LRP1B: variants seen among roughly 807,000 people sequenced by gnomAD.
The protein encoded by LRP1B is low-density lipoprotein receptor-related protein 1B.
A neutral mutation model predicts 556.6 loss-of-function variants in LRP1B; 217 were observed. The observed-to-expected ratio is 0.39, with a 90% CI of 0.35 to 0.44. The LOEUF (loss-of-function observed/expected upper bound fraction) is 0.44. LRP1B is among the 20% of genes least tolerant of loss of function. The probability of loss-of-function intolerance (pLI) is 1.00; values close to 1 mark genes in which losing one functional copy is unlikely to be tolerated. For missense variants in LRP1B, 5,053 were observed against 5,620.8 expected (o/e 0.90, Z 3.23); for synonymous variants, 2,047 against 1,865.8 (o/e 1.10, Z -2.50).
At chr2:140,295,207 T>C (rs1683551468) in intron 84 of LRP1B, among the ~76,000 whole-genome samples, 2 of 152,114 alleles carry the variant, frequency 1.3e-5, no homozygotes, top group Non-Finnish European at 2.9e-5. Flanking sequence ...TATAGGGATG[T>C]ATGGATGTAA....
chr2:142,041,644 T>C (rs983467927), intron 1 of LRP1B, among the ~76,000 whole-genome samples: 1 of 151,496 alleles, frequency 6.6e-6, no homozygotes, highest in South Asian at 2.1e-4. Context: ...GGCTAAACTC[T>C]ATAGGAATTG....
intron 3 of LRP1B, among the ~76,000 whole-genome samples, chr2:141,454,102 T>C (rs7600112): frequency 0.16 from 24,859 of 152,016 alleles, 2,153 homozygotes; most frequent in South Asian, 0.26. Context: ...TATAAAAATA[T>C]TGAATAGAGT....
At chr2:142,023,151 A>C (rs1038163823) in intron 1 of LRP1B, among the ~76,000 whole-genome samples, 1 of 152,132 alleles carries the variant, frequency 6.6e-6, no homozygotes. Context: ...CCTTACCCCC[A>C]GTGCCAGCTT....
chr2:141,652,002 T>C (rs891263808), intron 2 of LRP1B, among the ~76,000 whole-genome samples: 1 of 152,184 alleles, frequency 6.6e-6, no homozygotes, highest in African/African-American at 2.4e-5. Flanking sequence ...TGGTCTCTGT[T>C]CTCATTTATA....
intron 1 of LRP1B, among the ~76,000 whole-genome samples, chr2:141,989,865 A>T (rs1702294375): frequency 6.6e-6 from 1 of 152,100 alleles, no homozygotes; most frequent in African/African-American, 2.4e-5. Flanking sequence ...TAAATTACCC[A>T]GTCTCAGGTA....
chr2:140,562,141 G>A (rs1680954281), intron 43 of LRP1B, among the ~76,000 whole-genome samples: 1 of 151,938 alleles, frequency 6.6e-6, no homozygotes, highest in Non-Finnish European at 1.5e-5. Context: ...TAGTGGTGGT[G>A]GTGATTATAA....
chr2:141,983,407 C>G (rs1445017644), intron 1 of LRP1B, among the ~76,000 whole-genome samples: 1 of 152,122 alleles, frequency 6.6e-6, no homozygotes, highest in African/African-American at 2.4e-5. Flanking sequence ...CATTTCACCT[C>G]TCTTTTATGC....
Position 140,253,553 on chromosome 2 carries a change from ATGT to A in LRP1B, c.13248-6394_13248-6392del, listed in dbSNP as rs575840427. ...TAAGTTAGAAATGTTTAAACATAAA[ATGT>A]TGTGCAGTCCACTTGAGTAGAAGTG... On this transcript the variant is annotated intron_variant, in intron 86 of 90. Transcript: ENST00000389484. Among the ~76,000 whole-genome samples, 414 of 152,224 alleles carry A rather than the reference ATGT, an allele frequency of 2.7e-3. 4 individuals are homozygous for A. Among genetic ancestry groups the A allele is most frequent in the Non-Finnish European group, 2.6e-3 (179 of 67,992 alleles).
At chr2:140,526,545 A>G (rs1488595513) in intron 47 of LRP1B, among the ~76,000 whole-genome samples, 195 bp from the exon 48 acceptor site, 1 of 150,468 alleles carries the variant, frequency 6.6e-6, no homozygotes, top group African/African-American at 2.5e-5. Context: ...CCTATCACAC[A>G]ATTCTTCTCT....
In LRP1B at chr2:141,706,992, T is replaced by A. The variant is rs556635823; in HGVS notation, c.205+103287A>T. Among the ~76,000 whole-genome samples, 7 of 152,182 alleles carry A rather than the reference T, an allele frequency of 4.6e-5. No individual in the cohort carries two copies. The East Asian group carries it at 1.4e-3, about 29-fold the overall frequency. On this transcript the variant is annotated intron_variant, in intron 2 of 90. Transcript: ENST00000389484. Reference sequence around the variant, plus strand: ...ATTTCAATTTATTCCTCTATCTCCTTATCAATAGACAATCAAATTACCTAA... The same window carrying A: ...ATTTCAATTTATTCCTCTATCTCCTAATCAATAGACAATCAAATTACCTAA...
intron 1 of LRP1B, among the ~76,000 whole-genome samples, chr2:142,019,911 C>G (rs1251360947): frequency 1.3e-5 from 2 of 152,228 alleles, no homozygotes; most frequent in South Asian, 4.2e-4. Flanking sequence ...ATTATTTGAC[C>G]ACTGAATTTA....
intron 77 of LRP1B, among the ~76,000 whole-genome samples, chr2:140,342,977 A>C (rs2105099953): frequency 6.6e-6 from 1 of 151,104 alleles, no homozygotes; most frequent in Middle Eastern, 3.4e-3. Context: ...AAAAACCATC[A>C]GAAACAAAGC....
intron 41 of LRP1B, among the ~76,000 whole-genome samples, chr2:140,676,083 T>G (rs906851481): frequency 5.3e-5 from 8 of 152,326 alleles, no homozygotes; most frequent in African/African-American, 1.9e-4. Flanking sequence ...CTGTATTAAA[T>G]GTAAAACTAA....
At chr2:141,964,083 G>T (rs1422492085) in intron 1 of LRP1B, among the ~76,000 whole-genome samples, 1 of 137,036 alleles carries the variant, frequency 7.3e-6, no homozygotes. Context: ...CACTGCTCAA[G>T]GAAATAAAAG....
At chr2:140,266,878 T>A (rs1481050700) in intron 86 of LRP1B, among the ~76,000 whole-genome samples, 1 of 152,020 alleles carries the variant, frequency 6.6e-6, no homozygotes, top group East Asian at 1.9e-4. Context: ...AAGCCATTCA[T>A]CTTCCTAAAA....
intron 2 of LRP1B, among the ~76,000 whole-genome samples, chr2:141,530,822 T>C (rs1274060114): frequency 2.6e-5 from 4 of 151,774 alleles, no homozygotes; most frequent in Admixed American, 6.6e-5. Flanking sequence ...AAGACCAAAA[T>C]TAACATAATA....
intron 11 of LRP1B, among the ~76,000 whole-genome samples, chr2:141,038,770 G>A (rs1299271261): frequency 1.3e-5 from 2 of 152,036 alleles, no homozygotes; most frequent in Non-Finnish European, 2.9e-5. Flanking sequence ...GTATTCCTAA[G>A]TAAATGAAGA....
intron 20 of LRP1B, among the ~76,000 whole-genome samples, chr2:140,948,437 T>C (rs1695606891): frequency 6.6e-6 from 1 of 152,184 alleles, no homozygotes; most frequent in South Asian, 2.1e-4. Context: ...TTCTAGCTCA[T>C]ATATACTCAT....
At chr2:141,931,039 G>T (rs1290603043) in intron 1 of LRP1B, among the ~76,000 whole-genome samples, 1 of 151,876 alleles carries the variant, frequency 6.6e-6, no homozygotes, top group Non-Finnish European at 1.5e-5. Flanking sequence ...CAATACACAT[G>T]AATAAACATG....
Sources: gnomAD v4.1 joint callset for allele counts (sites outside exome capture counted in the v4.1 genomes callset) on GRCh38, gnomAD v4.1.1 for gene constraint, MANE v1.5 for transcripts, NCBI Gene and HGNC (gene_info 2026-07-23, HGNC 2026-07-21) for gene names.